Variants in ADARB2 observed in about 807,000 individuals in gnomAD.
The protein encoded by ADARB2 is inactive double-stranded RNA-specific editase B2.
ADARB2 carries 25 observed loss-of-function variants against 62.2 expected under a neutral mutation model. The ratio of observed to expected loss-of-function variants is 0.40; its 90% CI spans 0.29 to 0.56. ADARB2 has a LOEUF of 0.56. Among genes scored for constraint, ADARB2 ranks in the 20% least tolerant of loss-of-function variants. The pLI, the probability that ADARB2 is intolerant of heterozygous loss-of-function variation, is 0.43. For synonymous variants in ADARB2, 572 were observed against 500.8 expected (o/e 1.14, Z -1.90); for missense variants, 1,071 against 1,077.4 (o/e 0.99, Z 0.08).
At chr10:1,495,739 C>G (rs1942057849) in intron 1 of ADARB2, among the ~76,000 whole-genome samples, 1 of 151,016 alleles carries the variant, frequency 6.6e-6, no homozygotes, top group Admixed American at 6.6e-5. Context: ...TCATAGTCAT[C>G]ATCACCATCA....
intron 3 of ADARB2, among the ~76,000 whole-genome samples, chr10:1,319,583 A>G (rs573318766): frequency 8.3e-4 from 127 of 152,222 alleles, no homozygotes; most frequent in African/African-American, 2.9e-3. Flanking sequence ...ATAAGAACTC[A>G]TTGCACAAAT....
intron 1 of ADARB2, among the ~76,000 whole-genome samples, chr10:1,447,238 G>A (rs1021761622): frequency 2.0e-5 from 3 of 152,184 alleles, no homozygotes; most frequent in Non-Finnish European, 4.4e-5. Context: ...TGGAGAGCAG[G>A]ACACAGCTTC....
intron 1 of ADARB2, chr10:1,675,877 G>T: frequency 1.4e-6 from 1 of 734,584 alleles, no homozygotes; most frequent in Non-Finnish European, 1.7e-6. Context: ...GCCAGCCTCA[G>T]CTCTGAGTGG....
chr10:1,446,443 T>A (rs2820604), intron 1 of ADARB2, among the ~76,000 whole-genome samples: 1 of 152,202 alleles, frequency 6.6e-6, no homozygotes, highest in Non-Finnish European at 1.5e-5. Flanking sequence ...TATGACACAG[T>A]TGTTACTATT....
chr10:1,600,952 G>A (rs1588318387), intron 1 of ADARB2, among the ~76,000 whole-genome samples: 1 of 152,196 alleles, frequency 6.6e-6, no homozygotes, highest in Non-Finnish European at 1.5e-5. Context: ...TGGTGGGAGC[G>A]ATGATGACGG....
At chr10:1,465,898 C>T (rs1020584578) in intron 1 of ADARB2, among the ~76,000 whole-genome samples, 3 of 152,242 alleles carry the variant, frequency 2.0e-5, no homozygotes, top group African/African-American at 7.2e-5. Flanking sequence ...TGTACTTTTG[C>T]TTTTGCATTT....
chr10:1,640,534 A>C (rs1308960175), intron 1 of ADARB2, among the ~76,000 whole-genome samples: 1 of 152,236 alleles, frequency 6.6e-6, no homozygotes, highest in African/African-American at 2.4e-5. Flanking sequence ...AGAAATCATA[A>C]AAATGGCGGA....
intron 7 of ADARB2, among the ~76,000 whole-genome samples, chr10:1,211,085 G>GCTCCCTCC (rs372826274): frequency 2.0e-5 from 3 of 151,882 alleles, no homozygotes; most frequent in Non-Finnish European, 4.4e-5. Context: ...GCCTCCCATC[G>GCTCCCTCC]CTCCCTCCCT....
intron 1 of ADARB2, among the ~76,000 whole-genome samples, chr10:1,654,406 G>C (rs1834150088): frequency 2.6e-5 from 4 of 152,158 alleles, no homozygotes; most frequent in Admixed American, 2.6e-4. Flanking sequence ...TGCTGAGACA[G>C]GCCTGTTCCT....
At chr10:1,389,637 G>C (rs1305940550) in intron 1 of ADARB2, among the ~76,000 whole-genome samples, 1 of 152,034 alleles carries the variant, frequency 6.6e-6, no homozygotes, top group Non-Finnish European at 1.5e-5. Context: ...CTGCTACTTG[G>C]GAGGCTAAGG....
intron 1 of ADARB2, among the ~76,000 whole-genome samples, chr10:1,655,676 A>G (rs1834164601): frequency 6.6e-6 from 1 of 152,214 alleles, no homozygotes; most frequent in Admixed American, 6.5e-5. Context: ...TGGAATTAAA[A>G]AAAAAAAGAA....
At chr10:1,488,124 C>T (rs1043524607) in intron 1 of ADARB2, among the ~76,000 whole-genome samples, 5 of 151,672 alleles carry the variant, frequency 3.3e-5, no homozygotes, top group Admixed American at 2.6e-4. Context: ...ATTAAAATCT[C>T]TCTTAAGCAT....
In ADARB2 at chr10:1,653,208, C is replaced by G. The variant is rs1330347477; in HGVS notation, c.100+83843G>C. Reference sequence around the variant, plus strand: ...GCTGCTGCCACAGCCTAGAGACAGACAGGAGATGGCGAGGAGGGAGACTGG... The same window carrying G: ...GCTGCTGCCACAGCCTAGAGACAGAGAGGAGATGGCGAGGAGGGAGACTGG... On this transcript the variant is annotated intron_variant, in intron 1 of 9. Transcript: ENST00000381312. 3.9e-5 allele frequency among the ~76,000 whole-genome samples: 6 copies of G among 152,324 alleles called. No homozygotes were observed. In the East Asian group the frequency reaches 7.7e-4, roughly 20 times the overall value.
At chr10:1,250,683 T>C (rs1030612119) in intron 4 of ADARB2, among the ~76,000 whole-genome samples, 1 of 152,200 alleles carries the variant, frequency 6.6e-6, no homozygotes, top group Admixed American at 6.5e-5. Context: ...TAAACCACTA[T>C]TTTTTATAAA....
At chr10:1,314,436 C>G (rs1831719014) in intron 3 of ADARB2, among the ~76,000 whole-genome samples, 1 of 143,528 alleles carries the variant, frequency 7.0e-6, no homozygotes. Flanking sequence ...GCCCCTGCAG[C>G]CAGTCCTTCC....
intron 1 of ADARB2, among the ~76,000 whole-genome samples, chr10:1,386,123 G>A (rs1022499448): frequency 6.6e-6 from 1 of 151,980 alleles, no homozygotes; most frequent in Non-Finnish European, 1.5e-5. Flanking sequence ...GCTATGATAA[G>A]TTAAACATGC....
At chr10:1,522,178 G>A (rs557905137) in intron 1 of ADARB2, among the ~76,000 whole-genome samples, 1 of 152,286 alleles carries the variant, frequency 6.6e-6, no homozygotes, top group African/African-American at 2.4e-5. Flanking sequence ...TTGTGATATT[G>A]TCAGAGTTGC....
At chr10:1,549,967 A>G (rs1275241548) in intron 1 of ADARB2, among the ~76,000 whole-genome samples, 1 of 152,244 alleles carries the variant, frequency 6.6e-6, no homozygotes, top group Admixed American at 6.5e-5. Flanking sequence ...CAAGCTTACA[A>G]TAGAGGGAAT....
chr10:1,706,268 G>A (rs1249950085), intron 1 of ADARB2, among the ~76,000 whole-genome samples: 1 of 152,208 alleles, frequency 6.6e-6, no homozygotes, highest in African/African-American at 2.4e-5. Context: ...TTATCGACAT[G>A]GCTGACCATG....
Sources: gnomAD v4.1 joint callset for allele counts (sites outside exome capture counted in the v4.1 genomes callset) on GRCh38, gnomAD v4.1.1 for gene constraint, MANE v1.5 for transcripts, NCBI Gene and HGNC (gene_info 2026-07-23, HGNC 2026-07-21) for gene names.